Variants in ZNF516 observed in about 807,000 individuals in gnomAD.
The protein encoded by ZNF516 is zinc finger protein 516.
ZNF516 carries 19 observed loss-of-function variants against 79.7 expected under a neutral mutation model. That is an observed-to-expected ratio of 0.24 (90% CI 0.17 to 0.35). ZNF516 has a LOEUF of 0.35. Ranked by LOEUF, ZNF516 falls within the 10% of genes least tolerant of loss-of-function variation. The probability of loss-of-function intolerance (pLI) is 1.00; values close to 1 mark genes in which losing one functional copy is unlikely to be tolerated. For missense variants in ZNF516, 1,678 were observed against 1,679.5 expected, an observed-to-expected ratio of 1.00 and a Z score of 0.02; for synonymous variants, 877 against 739.5, an observed-to-expected ratio of 1.19 and a Z score of -3.02.
intron 3 of ZNF516, among the ~76,000 whole-genome samples, chr18:76,419,205 C>T (rs185144877): frequency 6.6e-6 from 1 of 152,354 alleles, no homozygotes; most frequent in East Asian, 1.9e-4. Flanking sequence ...AGGCTGTATA[C>T]ACGTGGACAA....
chr18:76,368,233 AT>A (rs973918094), intron 6 of ZNF516, among the ~76,000 whole-genome samples: 3 of 152,186 alleles, frequency 2.0e-5, no homozygotes, highest in African/African-American at 7.2e-5. Context: ...ACCTCTACCT[AT>A]TACTGATGTG....
chr18:76,462,826 CCA>C (rs1177309122), intron 2 of ZNF516, among the ~76,000 whole-genome samples, 200 bp downstream of exon 2: 43 of 152,278 alleles, frequency 2.8e-4, no homozygotes, highest in African/African-American at 1.0e-3. Flanking sequence ...TCAAAGTAGC[CCA>C]CAGAGGCGGC....
intron 1 of ZNF516, among the ~76,000 whole-genome samples, chr18:76,491,994 G>A (rs370859439): frequency 9.8e-5 from 15 of 152,296 alleles, no homozygotes; most frequent in Middle Eastern, 3.4e-3. Context: ...GATTTCTGCA[G>A]AAGAGGAGGA....
chr18:76,368,831 T>C (rs1371445351), intron 6 of ZNF516, among the ~76,000 whole-genome samples: 7 of 152,244 alleles, frequency 4.6e-5, no homozygotes, highest in African/African-American at 1.7e-4. Context: ...ATAGTCTAAA[T>C]GATTTGCTTT....
chr18:76,495,293 C>T (rs897431497), upstream of ZNF516: 4 of 144,470 alleles, frequency 2.8e-5, no homozygotes, highest in African/African-American at 9.9e-5. Flanking sequence ...CGAGGGCGCG[C>T]GGGGCCCGCC....
intron 3 of ZNF516, among the ~76,000 whole-genome samples, chr18:76,413,997 A>C (rs2075402815): frequency 6.6e-6 from 1 of 152,244 alleles, no homozygotes; most frequent in African/African-American, 2.4e-5. Flanking sequence ...TTTTTAAACA[A>C]ACATTGGAAC....
In ZNF516 at chr18:76,442,363, C is replaced by A; in HGVS notation, c.692G>T (p.Ser231Ile). The A allele has an allele frequency of 1.2e-6, 2 of 1,609,680 alleles. No individual in the cohort carries two copies. Among genetic ancestry groups the A allele is most frequent in the Non-Finnish European group, 8.5e-7 (1 of 1,179,316 alleles). ...RDHITAQGPG[S>I]GEACVENGKP... ...GCCGTTCTCCACGCAGGCCTCGCCG[C>A]TGCCGGGCCCCTGCGCGGTGATGTG... Residue 231 changes from serine (S) to isoleucine (I), a missense_variant, in exon 3 of 7, where the codon AGC becomes ATC. Physicochemically the swap from Ser to Ile is moderately radical, Grantham distance 142 (BLOSUM62 -2). Coordinates refer to ENST00000443185, the MANE Select transcript of ZNF516 (RefSeq NM_014643.4).
At chr18:76,418,186 T>TGCTATAACACACTGTAACACAC (rs1191130079) in intron 3 of ZNF516, among the ~76,000 whole-genome samples, 2 of 151,400 alleles carry the variant, frequency 1.3e-5, no homozygotes, top group African/African-American at 4.9e-5. Context: ...CTGCAACACA[T>TGCTATAACACACTGTAACACAC]GCTATAACAC....
chr18:76,460,287 G>A (rs111363970), intron 2 of ZNF516, among the ~76,000 whole-genome samples: 1 of 152,290 alleles, frequency 6.6e-6, no homozygotes, highest in African/African-American at 2.4e-5. Flanking sequence ...CGAGGACGCT[G>A]AGGGTCAAAG....
chr18:76,459,014 G>A lies in ZNF516; in HGVS notation c.-158+4014C>T, dbSNP rs527622660. On this transcript the variant is annotated intron_variant, in intron 2 of 6. Transcript: ENST00000443185. The surrounding 1 kb of genome is among the most constrained non-coding windows in gnomAD (Gnocchi z 5.0). ...CCCGAGGGTGTGTGTGTGTGTCTGA[G>A]AGAGCACATGTGTGTGATCTCTTAA... Among the ~76,000 whole-genome samples the A allele has an allele frequency of 6.6e-6, 1 of 152,208 alleles. No homozygotes were observed. Among genetic ancestry groups the A allele is most frequent in the African/African-American group, 2.4e-5 (1 of 41,468 alleles).
intron 3 of ZNF516, among the ~76,000 whole-genome samples, chr18:76,389,631 C>T (rs1045231504): frequency 6.6e-6 from 1 of 152,188 alleles, no homozygotes; most frequent in Non-Finnish European, 1.5e-5. Context: ...CTTATGTACT[C>T]TTCAATGTCA....
intron 4 of ZNF516, among the ~76,000 whole-genome samples, chr18:76,375,146 T>C (rs953924032): frequency 2.0e-5 from 3 of 152,206 alleles, no homozygotes; most frequent in Non-Finnish European, 4.4e-5. Flanking sequence ...AGTGTTCTGT[T>C]CACCTTTCCA....
chr18:76,444,347 T>C (rs1364733365), intron 2 of ZNF516, among the ~76,000 whole-genome samples: 1 of 152,152 alleles, frequency 6.6e-6, no homozygotes, highest in Non-Finnish European at 1.5e-5. Flanking sequence ...GGGTCTCCCT[T>C]CTGGGGCCGG....
rs1459934914 is a variant in ZNF516 at position 76,372,725 on chromosome 18, T to C, written c.3260-1154A>G. ...AATGCATGAACTGTGAGGCACATCT[T>C]GTCAAATTTCTTATATGACAGATCA... On this transcript the variant is annotated intron_variant, in intron 4 of 6. Transcript: ENST00000443185. The C allele has an allele frequency of 2.6e-5, 4 of 152,368 alleles. No homozygotes were observed. The East Asian group carries it at 7.7e-4, about 29-fold the overall frequency. 9.4% of individuals were successfully genotyped at this position (152,368 alleles called of 1,614,324 possible). A position where few individuals can be genotyped will look rare whatever the true frequency, so the allele number is the denominator to read the frequency against.
chr18:76,484,365 C>G (rs1914706866), intron 1 of ZNF516, among the ~76,000 whole-genome samples: 1 of 152,116 alleles, frequency 6.6e-6, no homozygotes, highest in Non-Finnish European at 1.5e-5. Flanking sequence ...AAAACAAGCC[C>G]AAATACAAAT....
chr18:76,362,457 A>C lies in ZNF516; in HGVS notation c.*41T>G. 6.2e-7 allele frequency: 1 copy of C among 1,604,518 alleles called. No homozygotes were observed. The highest frequency in any genetic ancestry group is 8.5e-7 in the Non-Finnish European group (1 of 1,173,168). ...CTGGGACATCGTGAGGGTACTGCTA[A>C]TGGCCGTTACGGGGACCTGGGGTGC... On this transcript the variant is annotated 3_prime_UTR_variant, in exon 7 of 7. Coordinates refer to ENST00000443185, the MANE Select transcript of ZNF516 (RefSeq NM_014643.4).
intron 4 of ZNF516, among the ~76,000 whole-genome samples, chr18:76,375,238 G>A (rs2074767697): frequency 6.6e-6 from 1 of 152,196 alleles, no homozygotes; most frequent in South Asian, 2.1e-4. Flanking sequence ...TTCAAGTAAG[G>A]AGAAAGGAAA....
intron 3 of ZNF516, among the ~76,000 whole-genome samples, chr18:76,385,224 T>C (rs531736846): frequency 2.5e-4 from 38 of 152,332 alleles, no homozygotes; most frequent in Admixed American, 5.2e-4. Context: ...TAGATGTGTC[T>C]TGGAAACACA....
In ZNF516 at chr18:76,442,901, G is replaced by A. The variant is rs1911799983; in HGVS notation, c.154C>T (p.His52Tyr). Residue 52 changes from histidine (H) to tyrosine (Y), a missense_variant, in exon 3 of 7, where the codon CAC becomes TAC. Around this residue, in one of 5 missense-constraint regions of ZNF516, gnomAD observed 26 missense variants for 66.4 expected, o/e 0.39. Transcript: ENST00000443185. ...SFPFQSSLSQ[H>Y]MRKHTGEKPY... ...TTCTCGCCCGTGTGCTTGCGCATGT[G>A]CTGCGAAAGCGAGCTCTGGAAGGGG... 2 of 1,613,438 alleles carry A rather than the reference G, an allele frequency of 1.2e-6. No homozygotes were observed. The highest frequency in any genetic ancestry group is 1.7e-6 in the Non-Finnish European group (2 of 1,179,836).
Sources: gnomAD v4.1 joint callset for allele counts (sites outside exome capture counted in the v4.1 genomes callset) on GRCh38, gnomAD v4.1.1 for gene constraint, gnomAD v4.1.1 regional missense constraint, Gnocchi (gnomAD v3.1) non-coding constraint, MANE v1.5 for transcripts, NCBI Gene and HGNC (gene_info 2026-07-23, HGNC 2026-07-21) for gene names.